Variants in SLC13A2 observed in about 807,000 individuals in gnomAD.
The protein encoded by SLC13A2 is solute carrier family 13 member 2.
Under a neutral mutation model 58.5 loss-of-function variants are expected in SLC13A2, and 40 were observed. That is an observed-to-expected ratio of 0.68 (90% CI 0.53 to 0.89). SLC13A2 has a LOEUF of 0.89. SLC13A2 is among the 40% of genes least tolerant of loss of function. The pLI is 0.00. For missense variants in SLC13A2, 694 were observed against 772.6 expected, an observed-to-expected ratio of 0.90 and a Z score of 1.21; for synonymous variants, 341 against 331.6, an observed-to-expected ratio of 1.03 and a Z score of -0.31.
rs782087379 is a variant in SLC13A2 at position 28,490,834 on chromosome 17, G to T, written c.502G>T (p.Val168Phe). The T allele has an allele frequency of 3.7e-6, 6 of 1,614,030 alleles. No homozygotes were observed. The highest frequency in any genetic ancestry group is 3.4e-6 in the Non-Finnish European group (4 of 1,179,970). ...GCACAGCTCGCAAGCCAGCAGCAACGTCGAGGAGGGCAGCAACAACCCCAC... is the reference window on the plus strand; with the variant it reads ...GCACAGCTCGCAAGCCAGCAGCAACTTCGAGGAGGGCAGCAACAACCCCAC... ...QLHSSQASSN[V>F]EEGSNNPTFE... Residue 168 changes from valine to phenylalanine, a missense_variant, in exon 4 of 12, where the codon GTC (valine) becomes TTC (phenylalanine). Val to Phe is a conservative substitution (Grantham distance 50). Transcript: ENST00000314669.
At position 28,496,711 on chromosome 17, in the gene SLC13A2, T is replaced by C. The variant is rs2069151654; in HGVS notation, c.1608+124T>C. On this transcript the variant is annotated intron_variant, in intron 11 of 11. Transcript: ENST00000314669. This position sits in a 1 kb window ranked among gnomAD's most constrained non-coding sequence, Gnocchi z 4.2. ...GAGTTGAGCGGGTCCTCATCTGGAA[T>C]GAAGGTGCAGTTGGGGAGGTTGGGA... 1.5e-6 allele frequency: 2 copies of C among 1,355,252 alleles called. No homozygotes were observed. Among genetic ancestry groups the C allele is most frequent in the Admixed American group, 2.4e-5 (1 of 41,532 alleles). The allele number at this position is 1,355,252 out of a possible 1,614,324, so 84.0% of individuals were successfully genotyped here.
In SLC13A2 at chr17:28,497,349, C is replaced by T; in HGVS notation, c.*80C>T. ...GAGCCCGGAGGGGACACCCCAAGCTCCAAGCTCCAAGCTCCAGGCCAAAGG... is the reference window on the plus strand; with the variant it reads ...GAGCCCGGAGGGGACACCCCAAGCTTCAAGCTCCAAGCTCCAGGCCAAAGG... On this transcript the variant is annotated 3_prime_UTR_variant, in exon 12 of 12. Coordinates refer to ENST00000314669, the MANE Select transcript of SLC13A2 (RefSeq NM_003984.4). The T allele has an allele frequency of 6.8e-7, 1 of 1,466,106 alleles. No individual in the cohort carries two copies. The highest frequency in any genetic ancestry group is 9.1e-7 in the Non-Finnish European group (1 of 1,096,558). 90.8% of individuals were successfully genotyped at this position (1,466,106 alleles called of 1,614,324 possible).
intron 1 of SLC13A2, among the ~76,000 whole-genome samples, chr17:28,485,401 G>C (rs2068860959): frequency 6.6e-6 from 1 of 152,214 alleles, no homozygotes; most frequent in Non-Finnish European, 1.5e-5. Flanking sequence ...ATAGAGCTGG[G>C]TTGCAAGGCA....
chr17:28,493,447 G>T, intron 6 of SLC13A2, 124 bp from the exon 7 acceptor site: 1 of 723,638 alleles, frequency 1.4e-6, no homozygotes. Flanking sequence ...CGGAGCTGGG[G>T]CCTGAGTGTA....
chr17:28,481,010 C>T (rs1429088132), intron 1 of SLC13A2, among the ~76,000 whole-genome samples: 2 of 152,144 alleles, frequency 1.3e-5, no homozygotes, highest in African/African-American at 4.8e-5. Context: ...CGTAGAGTCC[C>T]CAACTTGGAT....
chr17:28,473,859 G>C, intron 1 of SLC13A2, 45 bp downstream of exon 1: 1 of 1,549,456 alleles, frequency 6.5e-7, no homozygotes, highest in Non-Finnish European at 8.9e-7. Context: ...AGGGGGCAGA[G>C]GAGGGACTGT....
At chr17:28,477,084 C>T (rs1213925335) in intron 1 of SLC13A2, among the ~76,000 whole-genome samples, 3 of 151,686 alleles carry the variant, frequency 2.0e-5, no homozygotes, top group Non-Finnish European at 4.4e-5. Context: ...CGCTTGAACC[C>T]AGGAGGAGGA....
chr17:28,490,653 C>T (rs369692659), intron 3 of SLC13A2, 48 bp from the exon 4 acceptor site: 471 of 1,592,218 alleles, frequency 3.0e-4, no homozygotes, highest in Non-Finnish European at 3.8e-4. Flanking sequence ...GGCACCCAGT[C>T]CCTGAAGGGA....
intron 1 of SLC13A2, among the ~76,000 whole-genome samples, chr17:28,479,371 TAA>T (rs1567845747): frequency 3.9e-5 from 6 of 152,184 alleles, no homozygotes; most frequent in African/African-American, 1.2e-4. Context: ...AGTGAGGCCT[TAA>T]GAGGCCTCAC....
At position 28,494,374 on chromosome 17, in the gene SLC13A2, C is replaced by A; in HGVS notation, c.1187-17C>A. The A allele has an allele frequency of 6.2e-7, 1 of 1,614,208 alleles. No individual in the cohort carries two copies. The highest frequency in any genetic ancestry group is 8.5e-7 in the Non-Finnish European group (1 of 1,180,036). ...GTTTGTTCTTTGGTGACCCATCCTT[C>A]TCTGCTTGGGAAGTAGAAAACCCAG... On this transcript the variant is annotated splice_polypyrimidine_tract_variant and intron_variant, in intron 8 of 11. Transcript: ENST00000314669. The surrounding 1 kb of genome is among the most constrained non-coding windows in gnomAD (Gnocchi z 4.0).
chr17:28,487,843 G>A (rs782400356), intron 1 of SLC13A2, among the ~76,000 whole-genome samples: 10 of 152,148 alleles, frequency 6.6e-5, no homozygotes, highest in East Asian at 1.9e-4. Flanking sequence ...GCTTGGCTTC[G>A]GACAGATTTG....
intron 1 of SLC13A2, among the ~76,000 whole-genome samples, chr17:28,481,822 T>G (rs1462284138): frequency 2.6e-5 from 4 of 152,192 alleles, no homozygotes; most frequent in Admixed American, 6.5e-5. Flanking sequence ...CCCTCCACAC[T>G]CTTTCATGTT....
chr17:28,490,460 G>T lies in SLC13A2; in HGVS notation c.238G>T (p.Val80Phe). ...MGIVDASEVAVEYLKDSNLLF... is the reference protein window; with the variant it reads ...MGIVDASEVAFEYLKDSNLLF... ...CCATGTCTCCACCTGCCAGGTTGCC[G>T]TCGAGTATCTTAAGGACTCCAACCT... Residue 80 changes from valine to phenylalanine, a missense_variant, in exon 3 of 12, where the codon GTC becomes TTC. Transcript: ENST00000314669. 6.2e-7 allele frequency: 1 copy of T among 1,614,020 alleles called. No homozygotes were observed. Among genetic ancestry groups the T allele is most frequent in the South Asian group, 1.1e-5 (1 of 91,056 alleles).
At chr17:28,479,988 CTA>C (rs1555600754) in intron 1 of SLC13A2, among the ~76,000 whole-genome samples, 1 of 152,068 alleles carries the variant, frequency 6.6e-6, no homozygotes, top group African/African-American at 2.4e-5. Context: ...AACCCCATCT[CTA>C]CTAAAAATAC....
intron 1 of SLC13A2, among the ~76,000 whole-genome samples, chr17:28,480,350 G>T (rs1241629745): frequency 6.6e-6 from 1 of 152,044 alleles, no homozygotes; most frequent in Non-Finnish European, 1.5e-5. Context: ...AATCTGTGTA[G>T]TTAAAATACT....
Position 28,489,292 on chromosome 17 carries a change from C to A in SLC13A2, c.181C>A (p.Leu61Ile), listed in dbSNP as rs980235763. 6.2e-7 allele frequency: 1 copy of A among 1,614,124 alleles called. No homozygotes were observed. Among genetic ancestry groups the A allele is most frequent in the Admixed American group, 1.7e-5 (1 of 60,024 alleles). Residue 61 changes from leucine (L) to isoleucine (I), a missense_variant, in exon 2 of 12, where the codon CTC becomes ATC. Transcript: ENST00000314669. ...GGCCCTGCCCCTGGCCGTCACTGCC[C>A]TCTTCCCCTTAATCCTGTTCCCTAT... ...TEALPLAVTA[L>I]FPLILFPMMG...
In SLC13A2 at chr17:28,491,711, G is replaced by T; in HGVS notation, c.756-19G>T. 6.2e-7 allele frequency: 1 copy of T among 1,613,392 alleles called. No individual in the cohort carries two copies. Among genetic ancestry groups the T allele is most frequent in the Admixed American group, 1.7e-5 (1 of 59,992 alleles). ...GTTCTCGGGGCAATGTCACACGGCA[G>T]CCCATGTTCCTCCTTCAGGCTCTTC... On this transcript the variant is annotated intron_variant, in intron 5 of 11. Coordinates refer to ENST00000314669, the MANE Select transcript of SLC13A2 (RefSeq NM_003984.4).
intron 1 of SLC13A2, 112 bp from the exon 2 acceptor site, chr17:28,489,102 C>T (rs2068947930): frequency 5.5e-6 from 7 of 1,270,786 alleles, no homozygotes; most frequent in Non-Finnish European, 7.6e-6. Context: ...GTGGGTTTCA[C>T]AGGCTCTCCC....
chr17:28,482,226 T>C (rs1188059253), intron 1 of SLC13A2, among the ~76,000 whole-genome samples: 1 of 152,012 alleles, frequency 6.6e-6, no homozygotes, highest in Non-Finnish European at 1.5e-5. Flanking sequence ...TTTGTTTTAG[T>C]ACTTTTAGTA....
Sources: allele counts gnomAD v4.1 joint callset (sites outside exome capture counted in the v4.1 genomes callset), GRCh38; gene constraint gnomAD v4.1.1; non-coding constraint Gnocchi (gnomAD v3.1); transcripts MANE v1.5; gene names NCBI Gene and HGNC (gene_info 2026-07-23, HGNC 2026-07-21).